The following CACNB2 variants were observed in gnomAD, a reference collection of about 807,000 sequenced individuals.
CACNB2 encodes the protein calcium voltage-gated channel auxiliary subunit beta 2.
A neutral mutation model predicts 73.3 loss-of-function variants in CACNB2; 42 were observed. The observed-to-expected ratio is 0.57, with a 90% CI of 0.45 to 0.74. The LOEUF (loss-of-function observed/expected upper bound fraction) is 0.74, where lower values mean the gene tolerates loss of function less well. Ranked by LOEUF, CACNB2 falls within the 30% of genes least tolerant of loss-of-function variation. The probability of loss-of-function intolerance (pLI) is 0.00; values close to 1 mark genes in which losing one functional copy is unlikely to be tolerated. For missense variants in CACNB2, 940 were observed against 853.0 expected (o/e 1.10, Z -1.27); for synonymous variants, 348 against 310.3 (o/e 1.12, Z -1.28).
chr10:18,352,529 A>T (rs1243418739), intron 2 of CACNB2, among the ~76,000 whole-genome samples: 2 of 152,238 alleles, frequency 1.3e-5, no homozygotes, highest in African/African-American at 4.8e-5. Context: ...GTTTAAAAGC[A>T]TTCCAGGAGT....
At chr10:18,181,562 TTTTTATTTTATTTTA>T (rs147509760) in intron 2 of CACNB2, among the ~76,000 whole-genome samples, 3,213 of 113,528 alleles carry the variant, frequency 0.028, 102 homozygotes, top group African/African-American at 0.067. Flanking sequence ...GAGGATAACT[TTTTTATTTTATTTTA>T]TTTTATTTTA....
intron 2 of CACNB2, among the ~76,000 whole-genome samples, chr10:18,351,171 G>A (rs1281985582): frequency 7.6e-6 from 1 of 132,434 alleles, no homozygotes; most frequent in Non-Finnish European, 1.6e-5. Context: ...TTTCTTTTTT[G>A]CTAAAATGTG....
intron 2 of CACNB2, among the ~76,000 whole-genome samples, chr10:18,264,514 C>T (rs187810497): frequency 1.2e-4 from 19 of 152,276 alleles, no homozygotes; most frequent in Admixed American, 7.2e-4. Context: ...CCTTCCAATT[C>T]CAGCTGTCTC....
At chr10:18,391,724 C>G (rs555493141) in intron 2 of CACNB2, among the ~76,000 whole-genome samples, 3 of 152,010 alleles carry the variant, frequency 2.0e-5, no homozygotes, top group African/African-American at 7.2e-5. Context: ...TCCAGGAGTT[C>G]GAGACCAGCC....
At position 18,541,673 on chromosome 10, in the gene CACNB2, C is replaced by A. The variant is rs1254161243; in HGVS notation, c.*1949C>A. ...GTCAGGAGTTCAAGACCAGCCTGGC[C>A]AACGTGGCGAAACCCCGTCTCTACT... On this transcript the variant is annotated 3_prime_UTR_variant, in exon 14 of 14. Transcript: ENST00000324631. The A allele has an allele frequency of 6.6e-6, 1 of 152,086 alleles. No homozygotes were observed. Among genetic ancestry groups the A allele is most frequent in the African/African-American group, 2.4e-5 (1 of 41,398 alleles). 9.4% of individuals were successfully genotyped at this position (152,086 alleles called of 1,614,324 possible).
At chr10:18,191,615 A>G (rs2034400046) in intron 2 of CACNB2, among the ~76,000 whole-genome samples, 2 of 152,290 alleles carry the variant, frequency 1.3e-5, no homozygotes, top group African/African-American at 4.8e-5. Flanking sequence ...ACAAGTCCCC[A>G]AAGTCCACTG....
intron 2 of CACNB2, among the ~76,000 whole-genome samples, chr10:18,327,518 G>A (rs755401280): frequency 2.0e-5 from 3 of 152,116 alleles, no homozygotes; most frequent in Non-Finnish European, 4.4e-5. Context: ...TCCACCTGCT[G>A]GACTCAAGCG....
intron 3 of CACNB2, among the ~76,000 whole-genome samples, chr10:18,448,455 A>G (rs1021765077): frequency 2.9e-4 from 43 of 148,068 alleles, no homozygotes; most frequent in African/African-American, 1.1e-3. Context: ...AGCCTAGGCG[A>G]CAAGAGCAAA....
chr10:18,225,505 A>G (rs981022803), intron 2 of CACNB2, among the ~76,000 whole-genome samples: 11 of 151,314 alleles, frequency 7.3e-5, no homozygotes, highest in African/African-American at 2.2e-4. Flanking sequence ...TCTTCATTCA[A>G]ATAATTTTCT....
At chr10:18,196,293 C>CT (rs374846564) in intron 2 of CACNB2, among the ~76,000 whole-genome samples, 20,705 of 136,654 alleles carry the variant, frequency 0.15, 2,149 homozygotes, top group African/African-American at 0.27. Context: ...ACCAACAAAA[C>CT]TTTTTTTTTT....
chr10:18,275,117 A>G (rs16917137), intron 2 of CACNB2, among the ~76,000 whole-genome samples: 4,255 of 152,266 alleles, frequency 0.028, 200 homozygotes, highest in African/African-American at 0.097. Context: ...CATTTTATGC[A>G]GTCAGTCAGT....
intron 2 of CACNB2, among the ~76,000 whole-genome samples, chr10:18,220,678 C>T (rs2035756929): frequency 6.6e-6 from 1 of 152,166 alleles, no homozygotes; most frequent in Non-Finnish European, 1.5e-5. Context: ...GAGCGCCTGG[C>T]AAGCAAGCAT....
At chr10:18,504,934 C>G (rs145709532) in intron 5 of CACNB2, among the ~76,000 whole-genome samples, 1 of 152,302 alleles carries the variant, frequency 6.6e-6, no homozygotes, top group South Asian at 2.1e-4. Context: ...CGTGAGCCAC[C>G]GTGCCCGGCC....
intron 3 of CACNB2, among the ~76,000 whole-genome samples, chr10:18,441,764 A>G (rs1049401079): frequency 6.6e-6 from 1 of 152,012 alleles, no homozygotes; most frequent in Non-Finnish European, 1.5e-5. Context: ...CCTCCCAAGT[A>G]GCTGGGACTA....
chr10:18,199,941 C>CTGTGTGTGTGTGTGTGTGTG (rs141377460), intron 2 of CACNB2, among the ~76,000 whole-genome samples: 3 of 136,412 alleles, frequency 2.2e-5, no homozygotes, highest in Non-Finnish European at 4.7e-5. Flanking sequence ...GTATATGAAA[C>CTGTGTGTGTGTGTGTGTGTG]TGTGTGTGTG....
rs200510731 is a variant in CACNB2, at chr10:18,225,512, TTC to T, written c.213+74547_213+74548del. On this transcript the variant is annotated intron_variant, in intron 2 of 13. Coordinates refer to ENST00000324631, the MANE Select transcript of CACNB2 (RefSeq NM_201596.3). ...TGTGTTAGTCTTCATTCAAATAATTTTCTCTCTCTCTTTTCTTTTCTTTTTCT... is the reference window on the plus strand; with the variant it reads ...TGTGTTAGTCTTCATTCAAATAATTTTCTCTCTCTTTTCTTTTCTTTTTCT... Among the ~76,000 whole-genome samples, 7 of 150,838 alleles carry T rather than the reference TTC, an allele frequency of 4.6e-5. No homozygotes were observed. In the East Asian group the frequency reaches 7.7e-4, roughly 17 times the overall value.
chr10:18,166,920 G>T (rs939227992), intron 2 of CACNB2, among the ~76,000 whole-genome samples: 1 of 152,098 alleles, frequency 6.6e-6, no homozygotes, highest in African/African-American at 2.4e-5. Flanking sequence ...AAATAAAAAA[G>T]AAATGCACAG....
At chr10:18,519,841 A>G (rs1771697436) in intron 9 of CACNB2, 8 of 422,312 alleles carry the variant, frequency 1.9e-5, no homozygotes, top group South Asian at 1.2e-4. Flanking sequence ...TGACCTTCAC[A>G]TTGCTAAATC....
chr10:18,463,967 C>T (rs1198756718), intron 3 of CACNB2, among the ~76,000 whole-genome samples: 1 of 152,028 alleles, frequency 6.6e-6, no homozygotes. Flanking sequence ...CCAGATATTC[C>T]TCCCACAGCT....
Sources: gnomAD v4.1 joint callset for allele counts (sites outside exome capture counted in the v4.1 genomes callset) on GRCh38, gnomAD v4.1.1 for gene constraint, MANE v1.5 for transcripts, NCBI Gene and HGNC (gene_info 2026-07-23, HGNC 2026-07-21) for gene names.